The following ROBO1 variants were observed in gnomAD, a reference collection of about 807,000 sequenced individuals.
ROBO1 encodes roundabout guidance receptor 1, also known as roundabout homolog 1.
In ROBO1, 149 loss-of-function variants were observed where a neutral mutation model predicts 195.9. The observed-to-expected ratio is 0.76, with a 90% CI of 0.67 to 0.87. The LOEUF (loss-of-function observed/expected upper bound fraction) is 0.87. Ranked by LOEUF, ROBO1 falls within the 40% of genes least tolerant of loss-of-function variation. The probability of loss-of-function intolerance (pLI) is 0.00; values close to 1 mark genes in which losing one functional copy is unlikely to be tolerated. For missense variants in ROBO1, 1,933 were observed against 2,068.3 expected, an observed-to-expected ratio of 0.93 and a Z score of 1.27; for synonymous variants, 816 against 733.2, an observed-to-expected ratio of 1.11 and a Z score of -1.82.
chr3:78,911,806 A>T (rs554701827), intron 4 of ROBO1, among the ~76,000 whole-genome samples: 1 of 152,194 alleles, frequency 6.6e-6, no homozygotes, highest in East Asian at 1.9e-4. Context: ...GAATCTAACA[A>T]CATTTCATTT....
chr3:78,749,295 A>G (rs1296562654), intron 4 of ROBO1, among the ~76,000 whole-genome samples: 1 of 152,174 alleles, frequency 6.6e-6, no homozygotes, highest in Non-Finnish European at 1.5e-5. Context: ...TACAAGCTGA[A>G]TCATTTCTCA....
chr3:79,633,552 T>G (rs1945409534), intron 1 of ROBO1, among the ~76,000 whole-genome samples: 1 of 151,976 alleles, frequency 6.6e-6, no homozygotes, highest in Admixed American at 6.6e-5. Context: ...AAATTTAGTG[T>G]TAATTACTGT....
At chr3:79,146,867 G>A (rs2080664011) in intron 2 of ROBO1, among the ~76,000 whole-genome samples, 2 of 151,826 alleles carry the variant, frequency 1.3e-5, no homozygotes, top group African/African-American at 4.8e-5. Flanking sequence ...TTGAATGTAG[G>A]GAAAGTTTAG....
chr3:79,766,035 G>A (rs971423364), intron 1 of ROBO1, among the ~76,000 whole-genome samples: 2 of 152,044 alleles, frequency 1.3e-5, no homozygotes, highest in African/African-American at 4.8e-5. Flanking sequence ...AGGGTGGGAG[G>A]TGCTGAGGTC....
intron 3 of ROBO1, among the ~76,000 whole-genome samples, chr3:79,065,095 G>C (rs1284719281): frequency 6.6e-6 from 1 of 151,876 alleles, no homozygotes; most frequent in Non-Finnish European, 1.5e-5. Flanking sequence ...TTCCCGATGG[G>C]ACAATTGCTG....
intron 2 of ROBO1, among the ~76,000 whole-genome samples, chr3:79,470,013 T>A (rs1386884342): frequency 2.6e-5 from 4 of 152,196 alleles, no homozygotes; most frequent in African/African-American, 9.7e-5. Context: ...ATATATTTTT[T>A]TAATTATTAT....
At chr3:78,821,011 C>T (rs1408624397) in intron 4 of ROBO1, among the ~76,000 whole-genome samples, 1 of 152,110 alleles carries the variant, frequency 6.6e-6, no homozygotes. Flanking sequence ...GAAAATAATT[C>T]AAGCCAGTTA....
intron 4 of ROBO1, among the ~76,000 whole-genome samples, chr3:78,843,820 A>G (rs2033455916): frequency 6.6e-6 from 1 of 152,140 alleles, no homozygotes; most frequent in South Asian, 2.1e-4. Flanking sequence ...GTGGACCTAT[A>G]TAATAAATTA....
In ROBO1 at chr3:79,010,571, C is replaced by T. The variant is rs775120131; in HGVS notation, c.173-71644G>A. Among the ~76,000 whole-genome samples the T allele has an allele frequency of 1.6e-3, 238 of 152,190 alleles. 1 individual carries two copies. Among genetic ancestry groups the T allele is most frequent in the Middle Eastern group, 6.8e-3 (2 of 294 alleles). ...GTATACAACTGGGCCTATACTACTA[C>T]ATCGATCATCATTTAATAAGTCACT... On this transcript the variant is annotated intron_variant, in intron 3 of 30. Transcript: ENST00000464233.
At chr3:79,478,395 AC>A (rs869057267) in intron 2 of ROBO1, among the ~76,000 whole-genome samples, 3 of 76,130 alleles carry the variant, frequency 3.9e-5, no homozygotes, top group Admixed American at 3.7e-4. Context: ...CAACCCCCCC[AC>A]CCCCCAAAAA....
intron 4 of ROBO1, among the ~76,000 whole-genome samples, chr3:78,747,140 C>T (rs146326917): frequency 2.5e-4 from 38 of 152,226 alleles, no homozygotes; most frequent in Admixed American, 4.6e-4. Flanking sequence ...GCGTGTATTC[C>T]GCTGCTTAGT....
intron 2 of ROBO1, among the ~76,000 whole-genome samples, chr3:79,240,790 T>C (rs760787310): frequency 2.6e-5 from 4 of 152,116 alleles, no homozygotes; most frequent in South Asian, 2.1e-4. Context: ...TACAGGCATG[T>C]GCCATCATGC....
intron 1 of ROBO1, among the ~76,000 whole-genome samples, chr3:79,660,416 G>A (rs887601570): frequency 5.3e-5 from 8 of 152,140 alleles, no homozygotes; most frequent in African/African-American, 1.4e-4. Context: ...GAAGCAAGGA[G>A]TGAAAACAGG....
chr3:79,718,739 ATATTCT>A (rs1702586778), intron 1 of ROBO1, among the ~76,000 whole-genome samples: 1 of 152,050 alleles, frequency 6.6e-6, no homozygotes, highest in Admixed American at 6.6e-5. Context: ...AAATTTAAAG[ATATTCT>A]TATTAAGCAA....
intron 4 of ROBO1, among the ~76,000 whole-genome samples, chr3:78,888,627 A>G (rs1257536968): frequency 3.9e-5 from 6 of 152,148 alleles, no homozygotes; most frequent in Non-Finnish European, 8.8e-5. Context: ...TCCTTTCTCT[A>G]CCTTAAAACA....
At chr3:79,393,419 A>G (rs1032215445) in intron 2 of ROBO1, among the ~76,000 whole-genome samples, 2 of 152,208 alleles carry the variant, frequency 1.3e-5, no homozygotes, top group Non-Finnish European at 2.9e-5. Flanking sequence ...TCAGTACTTA[A>G]AAGAATAGAC....
intron 4 of ROBO1, chr3:78,759,060 A>G (rs1001622155): frequency 4.6e-5 from 7 of 152,310 alleles, no homozygotes; most frequent in African/African-American, 1.7e-4. Context: ...GCCTTCATCC[A>G]TGAGGGCCTG....
At chr3:79,092,607 C>T (rs1045423260) in intron 3 of ROBO1, among the ~76,000 whole-genome samples, 2 of 152,152 alleles carry the variant, frequency 1.3e-5, no homozygotes, top group Non-Finnish European at 2.9e-5. Context: ...ACCTTTTTCT[C>T]CTCAATTCCT....
chr3:79,566,291 C>T (rs964199960), intron 2 of ROBO1, among the ~76,000 whole-genome samples: 16 of 152,192 alleles, frequency 1.1e-4, no homozygotes, highest in African/African-American at 3.1e-4. Context: ...TCGTGTGTCT[C>T]ACAGCGGATA....
Sources: allele counts gnomAD v4.1 joint callset (sites outside exome capture counted in the v4.1 genomes callset), GRCh38; gene constraint gnomAD v4.1.1; transcripts MANE v1.5; gene names NCBI Gene and HGNC (gene_info 2026-07-23, HGNC 2026-07-21).